Variants in CRYL1 observed in about 807,000 individuals in gnomAD.
The protein encoded by CRYL1 is lambda-crystallin homolog.
In CRYL1, 29 loss-of-function variants were observed where a neutral mutation model predicts 36.6. That is an observed-to-expected ratio of 0.79 (90% CI 0.59 to 1.08). The LOEUF (loss-of-function observed/expected upper bound fraction) is 1.08. CRYL1 is among the 50% of genes least tolerant of loss of function. The pLI, the probability that CRYL1 is intolerant of heterozygous loss-of-function variation, is 0.00. For missense variants in CRYL1, 411 were observed against 407.9 expected (o/e 1.01, Z -0.06); for synonymous variants, 152 against 151.5 (o/e 1.00, Z -0.02).
In CRYL1 at chr13:20,516,613, G is replaced by A. The variant is rs551822811; in HGVS notation, c.42-4063C>T. ...TCCTGCCTCAGCCTCCCAAGTAGCT[G>A]GGACTACAGGCGCTCGCCACCACGC... On this transcript the variant is annotated intron_variant, in intron 1 of 7. Transcript: ENST00000298248. Among the ~76,000 whole-genome samples the A allele has an allele frequency of 9.2e-5, 14 of 152,080 alleles. No individual in the cohort carries two copies. The East Asian group carries it at 2.7e-3, about 30-fold the overall frequency.
At chr13:20,413,123 G>A (rs142880320) in intron 6 of CRYL1, among the ~76,000 whole-genome samples, 159 bp downstream of exon 6, 4 of 152,202 alleles carry the variant, frequency 2.6e-5, no homozygotes, top group South Asian at 2.1e-4. Flanking sequence ...AGTACACAGC[G>A]TTTCGAATCC....
intron 5 of CRYL1, among the ~76,000 whole-genome samples, chr13:20,422,444 C>T (rs2031841005): frequency 6.6e-6 from 1 of 151,796 alleles, no homozygotes; most frequent in African/African-American, 2.4e-5. Context: ...GTTGCTGTGG[C>T]AGTTGACATT....
intron 6 of CRYL1, among the ~76,000 whole-genome samples, chr13:20,409,358 A>G (rs2031461153): frequency 6.6e-6 from 1 of 152,238 alleles, no homozygotes; most frequent in South Asian, 2.1e-4. Flanking sequence ...TTCAAGATGG[A>G]TTAAAGACTT....
chr13:20,479,928 C>T (rs1161897637), intron 3 of CRYL1, among the ~76,000 whole-genome samples: 1 of 152,230 alleles, frequency 6.6e-6, no homozygotes, highest in Non-Finnish European at 1.5e-5. Context: ...ATCAAGAAGT[C>T]ATGGACCAAG....
rs1325781108 is a variant in CRYL1 at position 20,432,098 on chromosome 13, A to G, written c.633+4T>C. On this transcript the variant is annotated splice_donor_region_variant and intron_variant, in intron 5 of 7. Coordinates refer to ENST00000298248, the MANE Select transcript of CRYL1 (RefSeq NM_015974.3). ...AGGGAGGGAGAGAGGACGGGCACAC[A>G]CACCTCCACTAGCCGCCAGGCCTCG... 25 of 1,613,936 alleles carry G rather than the reference A, an allele frequency of 1.5e-5. No homozygotes were observed. The highest frequency in any genetic ancestry group is 2.0e-5 in the Non-Finnish European group (24 of 1,180,000).
chr13:20,458,332 T>C (rs930508395), intron 3 of CRYL1, among the ~76,000 whole-genome samples: 2 of 152,186 alleles, frequency 1.3e-5, no homozygotes, highest in Non-Finnish European at 2.9e-5. Context: ...GAGTGGTTAT[T>C]TCCCTTTAAG....
chr13:20,521,281 A>G (rs1168399478), intron 1 of CRYL1, among the ~76,000 whole-genome samples: 1 of 152,206 alleles, frequency 6.6e-6, no homozygotes, highest in South Asian at 2.1e-4. Context: ...GTGATGTGCA[A>G]GATAAAGTCA....
Position 20,404,321 on chromosome 13 carries a change from G to A in CRYL1, c.847-79C>T, listed in dbSNP as rs2031308157. The A allele has an allele frequency of 6.3e-6, 6 of 947,982 alleles. No homozygotes were observed. The South Asian group carries it at 7.0e-5, about 11-fold the overall frequency. The allele number at this position is 947,982 out of a possible 1,614,324, so 58.7% of individuals were successfully genotyped here. On this transcript the variant is annotated intron_variant, in intron 7 of 7. Transcript: ENST00000298248. ...GAGTGTAATTATTGCTCTTGTTTAT[G>A]CAAACTGTGCAGAAACTGCTTTCAA...
At chr13:20,430,753 A>T (rs1257771883) in intron 5 of CRYL1, 8 of 985,284 alleles carry the variant, frequency 8.1e-6, no homozygotes, top group Non-Finnish European at 6.0e-6. Context: ...TAAAAAGCTG[A>T]GATTGCCTGT....
At chr13:20,500,065 C>G (rs1227211640) in intron 2 of CRYL1, among the ~76,000 whole-genome samples, 2 of 152,196 alleles carry the variant, frequency 1.3e-5, no homozygotes, top group Non-Finnish European at 2.9e-5. Flanking sequence ...TTCCAGTGCA[C>G]TAATGGAAAC....
At chr13:20,491,777 C>T (rs926427932) in intron 2 of CRYL1, among the ~76,000 whole-genome samples, 1 of 151,992 alleles carries the variant, frequency 6.6e-6, no homozygotes, top group East Asian at 1.9e-4. Context: ...GATGACAGAG[C>T]GAGACCCTGT....
intron 5 of CRYL1, among the ~76,000 whole-genome samples, chr13:20,419,887 G>A (rs911858312): frequency 4.6e-5 from 7 of 152,176 alleles, no homozygotes; most frequent in African/African-American, 1.4e-4. Flanking sequence ...CTGGCTCCAC[G>A]GCAAGGGTGA....
At chr13:20,506,922 T>C (rs533403235) in intron 2 of CRYL1, among the ~76,000 whole-genome samples, 1 of 152,144 alleles carries the variant, frequency 6.6e-6, no homozygotes, top group Non-Finnish European at 1.5e-5. Flanking sequence ...TCCCATGTGT[T>C]GGGGGAGGGA....
chr13:20,443,929 ACT>A (rs1410686501), intron 3 of CRYL1, among the ~76,000 whole-genome samples: 2 of 152,142 alleles, frequency 1.3e-5, no homozygotes, highest in African/African-American at 2.4e-5. Flanking sequence ...AAGGAAATCC[ACT>A]CTCAGGCTGA....
At chr13:20,428,580 C>A (rs1392691619) in intron 5 of CRYL1, among the ~76,000 whole-genome samples, 1 of 152,186 alleles carries the variant, frequency 6.6e-6, no homozygotes, top group Admixed American at 6.5e-5. Flanking sequence ...AAAAGTCAAT[C>A]CATGGGATCC....
At chr13:20,519,493 T>C (rs1035220080) in intron 1 of CRYL1, among the ~76,000 whole-genome samples, 1 of 151,984 alleles carries the variant, frequency 6.6e-6, no homozygotes, top group African/African-American at 2.4e-5. Flanking sequence ...TTGGGCGCAG[T>C]GGCTCACGCC....
intron 6 of CRYL1, among the ~76,000 whole-genome samples, chr13:20,408,402 C>T (rs1448615179): frequency 6.6e-6 from 1 of 152,178 alleles, no homozygotes; most frequent in Non-Finnish European, 1.5e-5. Flanking sequence ...CCCCTGGAGG[C>T]GATTTCCACG....
intron 2 of CRYL1, among the ~76,000 whole-genome samples, chr13:20,490,077 A>T (rs936186408): frequency 6.6e-6 from 1 of 152,182 alleles, no homozygotes; most frequent in African/African-American, 2.4e-5. Flanking sequence ...CACCTAGAAG[A>T]GGTATCTAAA....
At chr13:20,508,003 G>A (rs1279286440) in intron 2 of CRYL1, among the ~76,000 whole-genome samples, 1 of 151,840 alleles carries the variant, frequency 6.6e-6, no homozygotes, top group Admixed American at 6.6e-5. Flanking sequence ...CACCTTGGGA[G>A]GCTGAGGTGA....
Sources: gnomAD v4.1 joint callset for allele counts (sites outside exome capture counted in the v4.1 genomes callset) on GRCh38, gnomAD v4.1.1 for gene constraint, MANE v1.5 for transcripts, NCBI Gene and HGNC (gene_info 2026-07-23, HGNC 2026-07-21) for gene names.